Variants in TSPEAR observed in about 807,000 individuals in gnomAD.
TSPEAR encodes thrombospondin-type laminin G domain and EAR repeat-containing protein.
Under a neutral mutation model 71.6 loss-of-function variants are expected in TSPEAR, and 69 were observed. That is an observed-to-expected ratio of 0.96 (90% CI 0.79 to 1.18). The LOEUF is 1.18. Among genes scored for constraint, TSPEAR ranks in the 50% most tolerant of loss-of-function variants. TSPEAR has a pLI of 0.00. For synonymous variants in TSPEAR, 402 were observed against 387.2 expected (o/e 1.04, Z -0.45); for missense variants, 971 against 894.9 (o/e 1.09, Z -1.09).
chr21:44,635,927 C>T (rs1258922811), intron 1 of TSPEAR, among the ~76,000 whole-genome samples: 9 of 152,088 alleles, frequency 5.9e-5, no homozygotes, highest in Admixed American at 1.3e-4. Context: ...AGGTGGGAGA[C>T]GTGTGTTTAA....
rs782611340 is a variant in TSPEAR at position 44,697,740 on chromosome 21, A to C, written c.82+13693T>G. ...CTGTGCTGCCAGCAGTCTAGCTGCC[A>C]GCCAGCTTGCTGCACCACCTCCTGC... is the stretch of plus-strand genomic sequence containing the variant. On this transcript the variant is annotated intron_variant, in intron 1 of 11. Coordinates refer to ENST00000323084, the MANE Select transcript of TSPEAR (RefSeq NM_144991.3). 6.8e-6 allele frequency: 11 copies of C among 1,613,988 alleles called. No homozygotes were observed. Among genetic ancestry groups the C allele is most frequent in the Non-Finnish European group, 9.3e-6 (11 of 1,179,988 alleles).
intron 1 of TSPEAR, among the ~76,000 whole-genome samples, chr21:44,654,000 C>G (rs1438573460): frequency 1.3e-5 from 2 of 152,228 alleles, no homozygotes; most frequent in African/African-American, 4.8e-5. Context: ...CAGGTGAGCA[C>G]TCAGCATCTG....
intron 2 of TSPEAR, chr21:44,551,264 G>A (rs781891072): frequency 5.0e-5 from 80 of 1,613,666 alleles, no homozygotes; most frequent in Non-Finnish European, 6.7e-5. Flanking sequence ...ATTGGCAGGC[G>A]CTGGGCTCAC....
intron 2 of TSPEAR, among the ~76,000 whole-genome samples, chr21:44,554,443 C>T (rs403603): frequency 0.22 from 34,104 of 152,042 alleles, 4,037 homozygotes; most frequent in East Asian, 0.36. Flanking sequence ...AGTTCCAGAA[C>T]GTAGAAGCTG....
intron 1 of TSPEAR, among the ~76,000 whole-genome samples, chr21:44,616,724 C>T (rs1982121165): frequency 6.6e-6 from 1 of 152,240 alleles, no homozygotes; most frequent in African/African-American, 2.4e-5. Flanking sequence ...CGGCTGCGCA[C>T]CGGACACCTG....
chr21:44,612,807 A>T lies in TSPEAR; in HGVS notation c.83-44802T>A. Reference sequence around the variant, plus strand: ...TGTTGTGTCCCTGCCTCCTCCTGCCAGCCCAGCTGCTGCCACCCGGCCTCC... The same window carrying T: ...TGTTGTGTCCCTGCCTCCTCCTGCCTGCCCAGCTGCTGCCACCCGGCCTCC... On this transcript the variant is annotated intron_variant, in intron 1 of 11. Transcript: ENST00000323084. This position sits in a 1 kb window ranked among gnomAD's most constrained non-coding sequence, Gnocchi z 4.1. The T allele has an allele frequency of 6.2e-7, 1 of 1,612,570 alleles. No homozygotes were observed. The highest frequency in any genetic ancestry group is 8.5e-7 in the Non-Finnish European group (1 of 1,179,806).
intron 1 of TSPEAR, chr21:44,580,536 C>G (rs1487971619): frequency 6.2e-7 from 1 of 1,613,712 alleles, no homozygotes; most frequent in Non-Finnish European, 8.5e-7. Flanking sequence ...CGCCAGGAGT[C>G]AGAGCAAGCG....
chr21:44,629,437 G>A (rs141332857), intron 1 of TSPEAR, among the ~76,000 whole-genome samples: 2 of 152,304 alleles, frequency 1.3e-5, no homozygotes, highest in Non-Finnish European at 2.9e-5. Flanking sequence ...CTGTCCCTCT[G>A]TGTGTGTCTC....
At chr21:44,609,520 T>G (rs1555930467) in intron 1 of TSPEAR, among the ~76,000 whole-genome samples, 1 of 152,058 alleles carries the variant, frequency 6.6e-6, no homozygotes, top group African/African-American at 2.4e-5. Flanking sequence ...TGAAGGGAGA[T>G]CCCAGGAAAC....
At chr21:44,609,989 T>C (rs1288944938) in intron 1 of TSPEAR, among the ~76,000 whole-genome samples, 1 of 152,144 alleles carries the variant, frequency 6.6e-6, no homozygotes, top group East Asian at 1.9e-4. Context: ...ATGTATATTG[T>C]TTAATAATTC....
intron 1 of TSPEAR, among the ~76,000 whole-genome samples, chr21:44,670,410 CACTGGAATTCAGCAAAGAAGCA>C (rs372738645): frequency 0.039 from 5,962 of 152,148 alleles, 125 homozygotes; most frequent in Middle Eastern, 0.085. Flanking sequence ...CTGAGAGAGA[CACTGGAATTCAGCAAAGAAGCA>C]ACTGGAATTC....
rs2051976475 is a variant in TSPEAR, at chr21:44,498,892, A to G, written c.*891T>C. On this transcript the variant is annotated 3_prime_UTR_variant, in exon 12 of 12. Coordinates refer to ENST00000323084, the MANE Select transcript of TSPEAR (RefSeq NM_144991.3). ...GGCCTTGCGCCCATCACCCCCTCTC[A>G]TCCTCACTGCCTGTGACGGACAGAC... 1.3e-5 allele frequency: 2 copies of G among 152,266 alleles called. No homozygotes were observed. Among genetic ancestry groups the G allele is most frequent in the Admixed American group, 1.3e-4 (2 of 15,288 alleles). 9.4% of individuals were successfully genotyped at this position (152,266 alleles called of 1,614,324 possible).
At position 44,505,333 on chromosome 21, in the gene TSPEAR, C is replaced by T. The variant is rs367644876; in HGVS notation, c.1755-452G>A. Among the ~76,000 whole-genome samples the T allele has an allele frequency of 4.1e-4, 62 of 152,096 alleles. 1 individual carries two copies. The highest frequency in any genetic ancestry group is 1.2e-3 in the African/African-American group (51 of 41,398). ...ACCTCAAGTGATCTGCCCACCTCAG[C>T]CTCCCAAAGTGCTGGGATTACAGGC... On this transcript the variant is annotated intron_variant, in intron 10 of 11. Coordinates refer to ENST00000323084, the MANE Select transcript of TSPEAR (RefSeq NM_144991.3).
intron 8 of TSPEAR, among the ~76,000 whole-genome samples, chr21:44,524,436 G>A (rs1395735260): frequency 2.7e-5 from 4 of 150,228 alleles, no homozygotes; most frequent in African/African-American, 9.8e-5. Context: ...GTCAATCAAT[G>A]AGTCAGTTAG....
intron 1 of TSPEAR, among the ~76,000 whole-genome samples, chr21:44,653,549 C>T (rs1984941141): frequency 6.6e-6 from 1 of 152,200 alleles, no homozygotes; most frequent in Admixed American, 6.5e-5. Context: ...ACACCACAAA[C>T]CTCTTTCCCA....
rs1046828625 is a variant in TSPEAR at position 44,638,337 on chromosome 21, G to A, written c.83-70332C>T. 20 of 411,486 alleles carry A rather than the reference G, an allele frequency of 4.9e-5. 4 individuals are homozygous for A. The highest frequency in any genetic ancestry group is 4.3e-4 in the African/African-American group (19 of 44,008). 25.5% of individuals were successfully genotyped at this position (411,486 alleles called of 1,614,324 possible). A position where few individuals can be genotyped will look rare whatever the true frequency, so the allele number is the denominator to read the frequency against. Reference sequence around the variant, plus strand: ...AGTCCTTCCCAGATGATGGCTGCCTGTGGGACCCCAGCTACTCCCCCAGAC... The same window carrying A: ...AGTCCTTCCCAGATGATGGCTGCCTATGGGACCCCAGCTACTCCCCCAGAC... On this transcript the variant is annotated intron_variant, in intron 1 of 11. Coordinates refer to ENST00000323084, the MANE Select transcript of TSPEAR (RefSeq NM_144991.3).
chr21:44,540,257 G>A lies in TSPEAR; in HGVS notation c.304-6334C>T, dbSNP rs1318638407. On this transcript the variant is annotated intron_variant, in intron 2 of 11. Coordinates refer to ENST00000323084, the MANE Select transcript of TSPEAR (RefSeq NM_144991.3). ...GTGAGTGAGTGTGTGAGCTTCGTGG[G>A]GCTCTGCTTTTATACCCCTTCTGGC... 1.2e-5 allele frequency: 19 copies of A among 1,532,662 alleles called. No individual in the cohort carries two copies. In the East Asian group the frequency reaches 4.3e-4, roughly 35 times the overall value. 94.9% of individuals were successfully genotyped at this position (1,532,662 alleles called of 1,614,324 possible). A position where few individuals can be genotyped will look rare whatever the true frequency, so the allele number is the denominator to read the frequency against.
In TSPEAR at chr21:44,573,798, G is replaced by A. The variant is rs9976062; in HGVS notation, c.83-5793C>T. ...CAGCGACCTGAGCTACAGCAGCCGC[G>A]TCTGCCTTCCTGGTTCCTGTGACTC... On this transcript the variant is annotated intron_variant, in intron 1 of 11. Coordinates refer to ENST00000323084, the MANE Select transcript of TSPEAR (RefSeq NM_144991.3). 4.0e-3 allele frequency: 6,412 copies of A among 1,613,598 alleles called. 50 individuals are homozygous for A. Among genetic ancestry groups the A allele is most frequent in the African/African-American group, 0.038 (2,839 of 74,586 alleles).
At position 44,594,250 on chromosome 21, in the gene TSPEAR, A is replaced by T. The variant is rs972305072; in HGVS notation, c.83-26245T>A. Among the ~76,000 whole-genome samples, 3 of 152,216 alleles carry T rather than the reference A, an allele frequency of 2.0e-5. No homozygotes were observed. The South Asian group carries it at 6.2e-4, about 32-fold the overall frequency. ...AAAAAGTGACGGATGGCTAACACAT[A>T]AAAGGAAAGAAACTTTTGCCATTGA... On this transcript the variant is annotated intron_variant, in intron 1 of 11. Coordinates refer to ENST00000323084, the MANE Select transcript of TSPEAR (RefSeq NM_144991.3).
Sources: allele counts gnomAD v4.1 joint callset (sites outside exome capture counted in the v4.1 genomes callset), GRCh38; gene constraint gnomAD v4.1.1; non-coding constraint Gnocchi (gnomAD v3.1); transcripts MANE v1.5; gene names NCBI Gene and HGNC (gene_info 2026-07-23, HGNC 2026-07-21).